TPST1: variants seen among roughly 807,000 people sequenced by gnomAD.
The protein encoded by TPST1 is protein-tyrosine sulfotransferase 1.
Under a neutral mutation model 34.8 loss-of-function variants are expected in TPST1, and 20 were observed. That is an observed-to-expected ratio of 0.57 (90% CI 0.40 to 0.84). The LOEUF is 0.84. TPST1 is among the 40% of genes least tolerant of loss of function. TPST1 has a pLI of 0.00. For synonymous variants in TPST1, 152 were observed against 159.4 expected (o/e 0.95, Z 0.35); for missense variants, 353 against 455.5 (o/e 0.78, Z 2.05).
chr7:66,208,657 C>T (rs543664639), intron 1 of TPST1, among the ~76,000 whole-genome samples: 34 of 151,828 alleles, frequency 2.2e-4, no homozygotes, highest in Non-Finnish European at 3.4e-4. Flanking sequence ...TTAGTAGAGA[C>T]AGGGTTTCAT....
At chr7:66,243,754 A>G (rs1467250017) in intron 2 of TPST1, among the ~76,000 whole-genome samples, 1 of 150,660 alleles carries the variant, frequency 6.6e-6, no homozygotes, top group African/African-American at 2.4e-5. Flanking sequence ...GGCCAGCCAT[A>G]CTTCTTTTTT....
intron 2 of TPST1, among the ~76,000 whole-genome samples, chr7:66,246,594 C>T (rs566756609): frequency 6.6e-6 from 1 of 152,160 alleles, no homozygotes. Context: ...GATATCAGAT[C>T]ATTTATTAGT....
chr7:66,295,029 T>C (rs944228040), intron 3 of TPST1, among the ~76,000 whole-genome samples: 24 of 152,216 alleles, frequency 1.6e-4, no homozygotes, highest in Admixed American at 9.2e-4. Context: ...CTACAATTGA[T>C]TTTACCATTT....
At chr7:66,293,682 G>A (rs901082980) in intron 3 of TPST1, among the ~76,000 whole-genome samples, 2 of 152,050 alleles carry the variant, frequency 1.3e-5, no homozygotes, top group African/African-American at 4.8e-5. Flanking sequence ...CTGCAGATCT[G>A]CATAAACACC....
chr7:66,238,477 T>G (rs574431492), intron 1 of TPST1, among the ~76,000 whole-genome samples: 228 of 151,712 alleles, frequency 1.5e-3, no homozygotes, highest in African/African-American at 5.3e-3. Context: ...ACAGTTGTTA[T>G]GGAGGCCTGC....
chr7:66,205,106 G>T (rs551111249), upstream of TPST1: 9 of 152,316 alleles, frequency 5.9e-5, no homozygotes, highest in African/African-American at 2.2e-4. The surrounding 1 kb of genome is among the most constrained non-coding windows in gnomAD (Gnocchi z 5.0). Context: ...TCGGGAGCGC[G>T]CACGGGAAGG....
upstream of TPST1, among the ~76,000 whole-genome samples, chr7:66,200,489 G>A (rs1217241386): frequency 1.2e-5 from 1 of 82,984 alleles, no homozygotes; most frequent in Non-Finnish European, 2.5e-5. Context: ...GCGCAATCTC[G>A]GCTCACTGCA....
At chr7:66,266,643 CAG>C (rs1790598121) in intron 2 of TPST1, among the ~76,000 whole-genome samples, 2 of 152,152 alleles carry the variant, frequency 1.3e-5, no homozygotes, top group Non-Finnish European at 2.9e-5. Flanking sequence ...TACCTATCAA[CAG>C]GGGGATGTAT....
chr7:66,307,197 A>C (rs1791441172), intron 3 of TPST1, among the ~76,000 whole-genome samples: 1 of 151,376 alleles, frequency 6.6e-6, no homozygotes, highest in Non-Finnish European at 1.5e-5. Context: ...GGCTCACTGC[A>C]AGGTCCGCCT....
At position 66,360,240 on chromosome 7, in the gene TPST1, T is replaced by C. The variant is rs775700606; in HGVS notation, c.*375T>C. ...TGTAAGCAGACTTGGGCAGTCTCCT[T>C]TTGAAATAGGTTGTCTGTACATGTT... On this transcript the variant is annotated 3_prime_UTR_variant, in exon 6 of 6. Coordinates refer to ENST00000304842, the MANE Select transcript of TPST1 (RefSeq NM_003596.4). 4.0e-5 allele frequency: 11 copies of C among 272,620 alleles called. No homozygotes were observed. The highest frequency in any genetic ancestry group is 7.3e-5 in the Non-Finnish European group (10 of 136,136). The allele number at this position is 272,620 out of a possible 1,614,324, so 16.9% of individuals were successfully genotyped here.
At chr7:66,328,583 C>T (rs540464201) in intron 3 of TPST1, among the ~76,000 whole-genome samples, 155 of 150,752 alleles carry the variant, frequency 1.0e-3, no homozygotes, top group Middle Eastern at 3.5e-3. Flanking sequence ...CTCACTCTGT[C>T]GCCCAGGCTG....
rs1316706023 is a variant in TPST1 at position 66,213,309 on chromosome 7, T to A, written c.-102+7787T>A. 2.0e-5 allele frequency among the ~76,000 whole-genome samples: 3 copies of A among 152,208 alleles called. 1 individual carries two copies. The highest frequency in any genetic ancestry group is 4.4e-5 in the Non-Finnish European group (3 of 68,040). On this transcript the variant is annotated intron_variant, in intron 1 of 5. Coordinates refer to ENST00000304842, the MANE Select transcript of TPST1 (RefSeq NM_003596.4). ...TGTTTCAAGTTTATTGATTCTTACC[T>A]GTGTTATATTCATTCTGCTGTTGAG...
chr7:66,307,059 T>G lies in TPST1; in HGVS notation c.1044+20350T>G, dbSNP rs192109130. Among the ~76,000 whole-genome samples, 274 of 151,580 alleles carry G rather than the reference T, an allele frequency of 1.8e-3. 1 individual carries two copies. The highest frequency in any genetic ancestry group is 6.3e-3 in the African/African-American group (259 of 41,328). On this transcript the variant is annotated intron_variant, in intron 3 of 5. Coordinates refer to ENST00000304842, the MANE Select transcript of TPST1 (RefSeq NM_003596.4). The stretch of plus-strand genomic sequence containing the variant: ...AAAGTTTGCTCAAACTTTATAGTTG[T>G]AATTAGAGGGAGGAACAACTTTATG...
chr7:66,243,136 G>T (rs551741253), intron 2 of TPST1, among the ~76,000 whole-genome samples: 3 of 151,690 alleles, frequency 2.0e-5, no homozygotes, highest in Non-Finnish European at 4.4e-5. Flanking sequence ...AGAATTGCTG[G>T]ATGACAAGGG....
intron 3 of TPST1, among the ~76,000 whole-genome samples, chr7:66,313,390 G>A (rs1389839231): frequency 6.6e-6 from 1 of 152,090 alleles, no homozygotes; most frequent in African/African-American, 2.4e-5. Context: ...TCTCCAGCTT[G>A]GGTGACAGGG....
At chr7:66,225,669 TGCACAC>T (rs1789640511) in intron 1 of TPST1, among the ~76,000 whole-genome samples, 2 of 152,212 alleles carry the variant, frequency 1.3e-5, no homozygotes, top group Admixed American at 1.3e-4. Context: ...TGTGTGTGCA[TGCACAC>T]GCACACGTGT....
chr7:66,307,650 T>C (rs1366149134), intron 3 of TPST1, among the ~76,000 whole-genome samples: 1 of 152,192 alleles, frequency 6.6e-6, no homozygotes, highest in East Asian at 1.9e-4. Flanking sequence ...CAGCGCTTTA[T>C]TGGGGCACCA....
At chr7:66,341,847 G>A (rs558987099) in intron 3 of TPST1, among the ~76,000 whole-genome samples, 24 of 152,234 alleles carry the variant, frequency 1.6e-4, no homozygotes, top group African/African-American at 5.5e-4. Context: ...TGAGGTGAAG[G>A]AACAAGAATA....
At chr7:66,312,690 C>G (rs1791555289) in intron 3 of TPST1, among the ~76,000 whole-genome samples, 1 of 151,892 alleles carries the variant, frequency 6.6e-6, no homozygotes, top group Admixed American at 6.6e-5. Context: ...TTCCTTAAAC[C>G]CAAAGATTAC....
Sources: allele counts gnomAD v4.1 joint callset (sites outside exome capture counted in the v4.1 genomes callset), GRCh38; gene constraint gnomAD v4.1.1; non-coding constraint Gnocchi (gnomAD v3.1); transcripts MANE v1.5; gene names NCBI Gene and HGNC (gene_info 2026-07-23, HGNC 2026-07-21).